ARL10: variants seen among roughly 807,000 people sequenced by gnomAD.
ARL10 encodes ADP-ribosylation factor-like protein 10.
A neutral mutation model predicts 26.1 loss-of-function variants in ARL10; 23 were observed. The observed-to-expected ratio is 0.88, with a 90% CI of 0.63 to 1.25. The LOEUF (loss-of-function observed/expected upper bound fraction) is 1.25, where lower values mean the gene tolerates loss of function less well. Among genes scored for constraint, ARL10 ranks in the 50% most tolerant of loss-of-function variants. ARL10 has a pLI of 0.00. For missense variants in ARL10, 300 were observed against 323.6 expected (o/e 0.93, Z 0.56); for synonymous variants, 138 against 149.1 (o/e 0.93, Z 0.54).
intron 3 of ARL10, 77 bp downstream of exon 3, chr5:176,369,059 C>G: frequency 6.4e-7 from 1 of 1,571,312 alleles, no homozygotes; most frequent in Non-Finnish European, 8.6e-7. Context: ...GGAGCGCTGC[C>G]TGGGCCCATG....
downstream of ARL10, among the ~76,000 whole-genome samples, chr5:176,402,854 C>G (rs1206325850): frequency 6.6e-6 from 1 of 152,000 alleles, no homozygotes; most frequent in Admixed American, 6.6e-5. Flanking sequence ...GGACAGAGTA[C>G]AGTAGGAGAG....
chr5:176,407,337 G>A, the ARL10 span, among the ~76,000 whole-genome samples: 812 of 152,228 alleles, frequency 5.3e-3, 5 homozygotes, highest in Non-Finnish European at 6.6e-3. Flanking sequence ...ACAAAGTCTC[G>A]CTCTGTCGTC....
rs570768341 is a variant in ARL10 at position 176,376,399 on chromosome 5, C to T, written c.*4504C>T. 1 of 149,090 alleles carries T rather than the reference C, an allele frequency of 6.7e-6. No individual in the cohort carries two copies. Among genetic ancestry groups the T allele is most frequent in the East Asian group, 2.0e-4 (1 of 5,114 alleles). 9.2% of individuals were successfully genotyped at this position (149,090 alleles called of 1,614,324 possible). A position where few individuals can be genotyped will look rare whatever the true frequency, so the allele number is the denominator to read the frequency against. On this transcript the variant is annotated 3_prime_UTR_variant, in exon 4 of 4. Coordinates refer to ENST00000310389, the MANE Select transcript of ARL10 (RefSeq NM_173664.6). Reference sequence around the variant, plus strand: ...AAAAAAAGGTTAGCATTCCACTCTTCCTTTGGGGTTTCAGGGTGACTTATT... The same window carrying T: ...AAAAAAAGGTTAGCATTCCACTCTTTCTTTGGGGTTTCAGGGTGACTTATT...
the ARL10 span, among the ~76,000 whole-genome samples, chr5:176,414,618 T>A: frequency 6.6e-6 from 1 of 152,046 alleles, no homozygotes; most frequent in African/African-American, 2.4e-5. Context: ...AATTTTTGTA[T>A]GTTTTGTAGA....
chr5:176,406,915 C>T, the ARL10 span, among the ~76,000 whole-genome samples: 7 of 152,174 alleles, frequency 4.6e-5, no homozygotes, highest in East Asian at 1.9e-4. Flanking sequence ...CAAAGCACAC[C>T]GGGTCGGAGC....
At chr5:176,398,588 T>C (rs1416811393) in intron 1 of ARL10, among the ~76,000 whole-genome samples, 2 of 151,844 alleles carry the variant, frequency 1.3e-5, no homozygotes, top group African/African-American at 2.4e-5. Context: ...GGTGCATGCC[T>C]GTAATCCCAG....
At chr5:176,382,403 C>A (rs564989054), downstream of ARL10, among the ~76,000 whole-genome samples, 10 of 152,312 alleles carry the variant, frequency 6.6e-5, no homozygotes, top group East Asian at 1.9e-3. Context: ...CATGTTCCAA[C>A]AGAGATGGCT....
At chr5:176,398,625 T>C (rs1223799609) in intron 1 of ARL10, among the ~76,000 whole-genome samples, 2 of 151,736 alleles carry the variant, frequency 1.3e-5, no homozygotes, top group East Asian at 2.0e-4. Flanking sequence ...GGCAGGAGAA[T>C]CACTTGAACC....
At chr5:176,385,255 C>CGG (rs1755743948), downstream of ARL10, 4 of 1,610,906 alleles carry the variant, frequency 2.5e-6, no homozygotes, top group Non-Finnish European at 3.4e-6. Flanking sequence ...TACCATGTAG[C>CGG]GTACATAGTC....
At chr5:176,383,794 C>T (rs1344601201), downstream of ARL10, 21 of 603,308 alleles carry the variant, frequency 3.5e-5, no homozygotes, top group Non-Finnish European at 5.2e-5. Flanking sequence ...AGAGAGCCAT[C>T]GGGATGAGGC....
downstream of ARL10, chr5:176,392,881 CCTT>C: frequency 1.2e-6 from 2 of 1,614,216 alleles, no homozygotes; most frequent in Non-Finnish European, 1.7e-6. The surrounding 1 kb of genome is among the most constrained non-coding windows in gnomAD (Gnocchi z 5.2). Context: ...AGCTGGGCCA[CCTT>C]CTCCCACTCT....
the ARL10 span, among the ~76,000 whole-genome samples, chr5:176,409,444 A>C: frequency 2.9e-5 from 3 of 102,480 alleles, no homozygotes; most frequent in African/African-American, 1.2e-4. Context: ...ACAGAGTTTC[A>C]CTCTCATCTC....
chr5:176,388,280 C>G (rs1756054983), intron 1 of ARL10: 1 of 1,614,194 alleles, frequency 6.2e-7, no homozygotes, highest in Non-Finnish European at 8.5e-7. Flanking sequence ...CCACAGCCAA[C>G]CCCATCTCGG....
rs1165909543 is a variant in ARL10, at chr5:176,378,971, A to C, written c.*7076A>C. 1 of 151,748 alleles carries C rather than the reference A, an allele frequency of 6.6e-6. No individual in the cohort carries two copies. The highest frequency in any genetic ancestry group is 1.5e-5 in the Non-Finnish European group (1 of 67,976). 9.4% of individuals were successfully genotyped at this position (151,748 alleles called of 1,614,324 possible). A position where few individuals can be genotyped will look rare whatever the true frequency, so the allele number is the denominator to read the frequency against. ...GCTGGGTTTGACTGGAATTTAATAGACTTTCCACAGCACGTGGAACTTGCA... is the reference window on the plus strand; with the variant it reads ...GCTGGGTTTGACTGGAATTTAATAGCCTTTCCACAGCACGTGGAACTTGCA... On this transcript the variant is annotated 3_prime_UTR_variant, in exon 4 of 4. Transcript: ENST00000310389.
chr5:176,404,257 C>G (rs1401113325), downstream of ARL10, among the ~76,000 whole-genome samples: 2 of 152,198 alleles, frequency 1.3e-5, no homozygotes, highest in African/African-American at 4.8e-5. Flanking sequence ...AGACTAGAGA[C>G]TGGGTCCCCA....
At chr5:176,400,083 C>T (rs1322919165) in intron 1 of ARL10, among the ~76,000 whole-genome samples, 4 of 150,800 alleles carry the variant, frequency 2.7e-5, no homozygotes, top group Admixed American at 6.6e-5. Context: ...CCCACCTACT[C>T]GGGAGGCTGA....
At chr5:176,366,964 A>C (rs2113542305) in intron 2 of ARL10, among the ~76,000 whole-genome samples, 1 of 151,014 alleles carries the variant, frequency 6.6e-6, no homozygotes, top group African/African-American at 2.4e-5. Context: ...GAGTTCCAGC[A>C]GTAGTATCAT....
downstream of ARL10, chr5:176,384,102 A>T (rs1379257516): frequency 6.2e-7 from 1 of 1,605,796 alleles, no homozygotes; most frequent in Non-Finnish European, 8.5e-7. Flanking sequence ...GTGTGTGTGT[A>T]ACCTTCTGAT....
At chr5:176,407,196 G>A in the ARL10 span, among the ~76,000 whole-genome samples, 270 of 152,298 alleles carry the variant, frequency 1.8e-3, no homozygotes, top group African/African-American at 6.2e-3. Flanking sequence ...CAAATGGGGT[G>A]CACTCCAGAA....
Sources: gnomAD v4.1 joint callset for allele counts (sites outside exome capture counted in the v4.1 genomes callset) on GRCh38, gnomAD v4.1.1 for gene constraint, Gnocchi (gnomAD v3.1) non-coding constraint, MANE v1.5 for transcripts, NCBI Gene and HGNC (gene_info 2026-07-23, HGNC 2026-07-21) for gene names.